The following NREP variants were observed in gnomAD, a reference collection of about 807,000 sequenced individuals.
NREP encodes neuronal regeneration-related protein.
Under a neutral mutation model 8.6 loss-of-function variants are expected in NREP, and 5 were observed. That is an observed-to-expected ratio of 0.58 (90% CI 0.30 to 1.22). The LOEUF is 1.22. NREP is among the 50% of genes most tolerant of loss of function. The probability of loss-of-function intolerance (pLI) is 0.07; values close to 1 mark genes in which losing one functional copy is unlikely to be tolerated. For synonymous variants in NREP, 27 were observed against 28.0 expected (o/e 0.96, Z 0.11); for missense variants, 86 against 82.5 (o/e 1.04, Z -0.17).
chr5:111,773,215 G>C (rs1751278140), intron 2 of NREP, among the ~76,000 whole-genome samples: 2 of 152,046 alleles, frequency 1.3e-5, no homozygotes, highest in South Asian at 4.1e-4. Context: ...AAAAAAAGGA[G>C]AGAAGAAAAG....
intron 1 of NREP, among the ~76,000 whole-genome samples, chr5:111,975,784 C>T (rs1435310198): frequency 1.3e-5 from 2 of 152,130 alleles, no homozygotes; most frequent in Admixed American, 6.5e-5. Context: ...AAATGTCAAC[C>T]TGAAATAGAA....
chr5:111,886,327 T>A (rs1050456965), intron 2 of NREP, among the ~76,000 whole-genome samples: 2 of 151,938 alleles, frequency 1.3e-5, no homozygotes, highest in Non-Finnish European at 2.9e-5. Flanking sequence ...AAACAACAGG[T>A]GCTGGAGAGG....
At chr5:111,852,748 CAT>C (rs1326811878) in intron 2 of NREP, among the ~76,000 whole-genome samples, 2 of 152,052 alleles carry the variant, frequency 1.3e-5, no homozygotes, top group East Asian at 3.9e-4. Context: ...AATACAGTGT[CAT>C]TGTTTTTGGA....
intron 2 of NREP, among the ~76,000 whole-genome samples, chr5:111,787,046 C>A (rs930862535): frequency 6.6e-6 from 1 of 152,094 alleles, no homozygotes; most frequent in Non-Finnish European, 1.5e-5. Flanking sequence ...TTGGCATGAC[C>A]AAATAAATTG....
chr5:111,923,138 T>A (rs537537215), intron 2 of NREP, among the ~76,000 whole-genome samples: 1 of 152,306 alleles, frequency 6.6e-6, no homozygotes, highest in East Asian at 1.9e-4. Context: ...AAGAAAGACA[T>A]ATTTGGAGTT....
intron 2 of NREP, among the ~76,000 whole-genome samples, chr5:111,778,807 C>T (rs1751423066): frequency 6.6e-6 from 1 of 152,078 alleles, no homozygotes; most frequent in African/African-American, 2.4e-5. Flanking sequence ...ATTCACTATA[C>T]AGAGGTTACT....
chr5:111,907,787 T>C (rs1446147333), intron 2 of NREP, among the ~76,000 whole-genome samples: 1 of 152,036 alleles, frequency 6.6e-6, no homozygotes, highest in Non-Finnish European at 1.5e-5. Flanking sequence ...AAGACACTTC[T>C]TCCAAGAAGT....
At chr5:111,952,296 A>G (rs1274284903) in intron 2 of NREP, among the ~76,000 whole-genome samples, 4 of 152,146 alleles carry the variant, frequency 2.6e-5, no homozygotes, top group Non-Finnish European at 5.9e-5. Context: ...GAATGAGAAT[A>G]CAGTCAAAGA....
At chr5:111,967,284 C>A (rs1388119981) in intron 2 of NREP, among the ~76,000 whole-genome samples, 5 of 35,660 alleles carry the variant, frequency 1.4e-4, no homozygotes, top group African/African-American at 5.2e-4. Flanking sequence ...CCAACAAATT[C>A]TTTCTTTATA....
In NREP at chr5:111,782,438, A is replaced by C. The variant is rs1011811094; in HGVS notation, c.136-46931T>G. 3.3e-5 allele frequency among the ~76,000 whole-genome samples: 5 copies of C among 152,332 alleles called. No homozygotes were observed. The South Asian group carries it at 8.3e-4, about 25-fold the overall frequency. On this transcript the variant is annotated intron_variant, in intron 2 of 3. Transcript: ENST00000395634. ...ATAAATGGCAAGCCTCAGAGATGTGATCATATATTCTGCCAAACTTGGAAC... is the reference window on the plus strand; with the variant it reads ...ATAAATGGCAAGCCTCAGAGATGTGCTCATATATTCTGCCAAACTTGGAAC...
intron 2 of NREP, among the ~76,000 whole-genome samples, chr5:111,744,703 C>A (rs529431947): frequency 3.9e-4 from 59 of 152,072 alleles, no homozygotes; most frequent in African/African-American, 1.4e-3. Context: ...GGGAGGAGCT[C>A]CCAACCCAAA....
chr5:111,756,037 T>C, intron 1 of NREP: 1 of 1,342,418 alleles, frequency 7.4e-7, no homozygotes, highest in East Asian at 2.9e-5. Context: ...CCCTGGTACT[T>C]GGCTTTGCAG....
chr5:111,976,540 G>C (rs575055304), intron 1 of NREP, among the ~76,000 whole-genome samples: 6 of 152,246 alleles, frequency 3.9e-5, no homozygotes, highest in African/African-American at 1.2e-4. Flanking sequence ...ATAAATGAAC[G>C]AATTACATAA....
chr5:111,812,624 T>C (rs1752295965), intron 2 of NREP, among the ~76,000 whole-genome samples: 1 of 152,208 alleles, frequency 6.6e-6, no homozygotes, highest in Non-Finnish European at 1.5e-5. Flanking sequence ...GCTTTTTGCC[T>C]CTTTCCTCTA....
intron 2 of NREP, among the ~76,000 whole-genome samples, chr5:111,952,208 A>G (rs1466107796): frequency 6.6e-6 from 1 of 152,124 alleles, no homozygotes; most frequent in East Asian, 1.9e-4. Flanking sequence ...CTTTTTCAAC[A>G]TGGGACACCT....
At chr5:111,745,889 C>T (rs1413930074) in intron 2 of NREP, among the ~76,000 whole-genome samples, 1 of 152,098 alleles carries the variant, frequency 6.6e-6, no homozygotes, top group Non-Finnish European at 1.5e-5. Context: ...TATTAGAAAT[C>T]CAGCCAGTTC....
chr5:111,853,911 A>C (rs1243811646), intron 2 of NREP, among the ~76,000 whole-genome samples: 1 of 152,144 alleles, frequency 6.6e-6, no homozygotes, highest in Non-Finnish European at 1.5e-5. Flanking sequence ...ACCATGATTC[A>C]GCCACAGATG....
intron 2 of NREP, among the ~76,000 whole-genome samples, chr5:111,895,473 A>G (rs1443893103): frequency 6.6e-6 from 1 of 152,158 alleles, no homozygotes; most frequent in Non-Finnish European, 1.5e-5. Context: ...AAAATTAAGC[A>G]GGTTATATGA....
chr5:111,976,903 T>C (rs1376418750), exon 1 of NREP: 1 of 577,100 alleles, frequency 1.7e-6, no homozygotes, highest in East Asian at 3.1e-5. Context: ...GAAAAGTAAT[T>C]CCTTCTAGAT....
Sources: gnomAD v4.1 joint callset for allele counts (sites outside exome capture counted in the v4.1 genomes callset) on GRCh38, gnomAD v4.1.1 for gene constraint, MANE v1.5 for transcripts, NCBI Gene and HGNC (gene_info 2026-07-23, HGNC 2026-07-21) for gene names.